Variants in PCDH15 observed in about 807,000 individuals in gnomAD.
PCDH15 encodes the protein protocadherin related 15, also known as protocadherin-15.
In PCDH15, 129 loss-of-function variants were observed where a neutral mutation model predicts 178.5. The ratio of observed to expected loss-of-function variants is 0.72; its 90% CI spans 0.63 to 0.84. The LOEUF is 0.84. Ranked by LOEUF, PCDH15 falls within the 40% of genes least tolerant of loss-of-function variation. The pLI, the probability that PCDH15 is intolerant of heterozygous loss-of-function variation, is 0.00. For missense variants in PCDH15, 2,230 were observed against 2,099.9 expected, an observed-to-expected ratio of 1.06 and a Z score of -1.21; for synonymous variants, 800 against 732.0, an observed-to-expected ratio of 1.09 and a Z score of -1.50.
intron 2 of PCDH15, among the ~76,000 whole-genome samples, chr10:55,093,975 A>T (rs1207046077): frequency 4.6e-5 from 7 of 152,126 alleles, no homozygotes; most frequent in Non-Finnish European, 1.0e-4. Context: ...ATTGTGGAAG[A>T]CAGTGTGGAG....
chr10:55,080,346 T>C (rs1172451071), intron 2 of PCDH15, among the ~76,000 whole-genome samples: 1 of 152,104 alleles, frequency 6.6e-6, no homozygotes, highest in Admixed American at 6.6e-5. Context: ...ATGTGAGGGA[T>C]GTAGGTTCCA....
intron 6 of PCDH15, among the ~76,000 whole-genome samples, chr10:54,338,618 G>A (rs1179043560): frequency 6.6e-6 from 1 of 152,058 alleles, no homozygotes. Flanking sequence ...TTACTCAGGA[G>A]GACTTGATAA....
intron 2 of PCDH15, among the ~76,000 whole-genome samples, chr10:55,050,802 G>T (rs543937454): frequency 6.6e-6 from 1 of 152,118 alleles, no homozygotes; most frequent in East Asian, 1.9e-4. Context: ...AAGTTTGCAA[G>T]GACTTTTCAT....
intron 3 of PCDH15, among the ~76,000 whole-genome samples, chr10:54,455,812 C>A (rs932292034): frequency 2.6e-5 from 4 of 152,128 alleles, no homozygotes; most frequent in Non-Finnish European, 5.9e-5. Flanking sequence ...ACAACCCATG[C>A]AGCCTCAGGA....
At chr10:55,474,297 T>G (rs1840021117) in intron 2 of PCDH15, among the ~76,000 whole-genome samples, 1 of 152,072 alleles carries the variant, frequency 6.6e-6, no homozygotes, top group African/African-American at 2.4e-5. Flanking sequence ...ATGGAAGGAG[T>G]ACTGACACAC....
At chr10:54,707,645 C>G (rs1414192214) in intron 1 of PCDH15, among the ~76,000 whole-genome samples, 3 of 152,132 alleles carry the variant, frequency 2.0e-5, no homozygotes, top group African/African-American at 7.2e-5. Context: ...CAAAATAATA[C>G]AAGGTCTTTC....
rs913357230 is a variant in PCDH15 at position 54,734,053 on chromosome 10, A to G, written c.-29+66872T>C. 2.6e-5 allele frequency among the ~76,000 whole-genome samples: 4 copies of G among 151,668 alleles called. 1 individual carries two copies. Among genetic ancestry groups the G allele is most frequent in the Admixed American group, 2.6e-4 (4 of 15,174 alleles). ...CAGCCATTTTATAGAAAGAATATCAAGAGAAAAAACATTATTAATTGGACT... is the reference window on the plus strand; with the variant it reads ...CAGCCATTTTATAGAAAGAATATCAGGAGAAAAAACATTATTAATTGGACT... On this transcript the variant is annotated intron_variant, in intron 1 of 37. Coordinates refer to ENST00000644397, the MANE Select transcript of PCDH15 (RefSeq NM_001384140.1).
intron 3 of PCDH15, among the ~76,000 whole-genome samples, chr10:54,840,453 T>C (rs993624509): frequency 2.6e-5 from 4 of 151,252 alleles, no homozygotes; most frequent in African/African-American, 4.9e-5. Flanking sequence ...GCACACAAAA[T>C]ATAAATAGAG....
At chr10:54,238,664 C>CTA (rs1255333743) in intron 8 of PCDH15, among the ~76,000 whole-genome samples, 1 of 140,768 alleles carries the variant, frequency 7.1e-6, no homozygotes, top group Non-Finnish European at 1.5e-5. Context: ...TGCTGCCTCT[C>CTA]TCTCTCTCTC....
intron 25 of PCDH15, among the ~76,000 whole-genome samples, chr10:53,906,284 T>C (rs990709286): frequency 1.3e-5 from 2 of 152,120 alleles, no homozygotes; most frequent in Admixed American, 1.3e-4. Flanking sequence ...CCTGATAACT[T>C]TAGGCAGTTG....
At chr10:55,547,156 T>A (rs1438082436) in intron 2 of PCDH15, among the ~76,000 whole-genome samples, 2 of 152,098 alleles carry the variant, frequency 1.3e-5, no homozygotes, top group Non-Finnish European at 2.9e-5. Context: ...TTGATATGGG[T>A]GCTGCAGCAG....
At chr10:54,146,145 T>C (rs2043884368) in intron 14 of PCDH15, among the ~76,000 whole-genome samples, 1 of 152,012 alleles carries the variant, frequency 6.6e-6, no homozygotes, top group Admixed American at 6.6e-5. Flanking sequence ...GCCTCATCAT[T>C]TTTTACTAAT....
chr10:53,979,053 C>G (rs2090416900), intron 21 of PCDH15, among the ~76,000 whole-genome samples: 1 of 152,194 alleles, frequency 6.6e-6, no homozygotes, highest in Non-Finnish European at 1.5e-5. Context: ...GTTCCACAGT[C>G]ACTTCCACAT....
intron 5 of PCDH15, among the ~76,000 whole-genome samples, chr10:54,365,257 A>C (rs981307608): frequency 6.6e-6 from 1 of 152,100 alleles, no homozygotes; most frequent in African/African-American, 2.4e-5. Flanking sequence ...TAAAACAGGG[A>C]TATTCCTTCC....
intron 1 of PCDH15, among the ~76,000 whole-genome samples, chr10:55,242,394 C>T (rs1044338411): frequency 6.6e-6 from 1 of 152,008 alleles, no homozygotes; most frequent in Non-Finnish European, 1.5e-5. Context: ...CACTGCTTTG[C>T]TTGTAAATTT....
intron 2 of PCDH15, among the ~76,000 whole-genome samples, chr10:54,599,266 G>T (rs1245742275): frequency 6.6e-6 from 1 of 152,028 alleles, no homozygotes; most frequent in Admixed American, 6.6e-5. Flanking sequence ...ATCCTACAGG[G>T]CTACAGTAAC....
At chr10:55,097,712 A>G (rs1000748552) in intron 2 of PCDH15, among the ~76,000 whole-genome samples, 2 of 152,062 alleles carry the variant, frequency 1.3e-5, no homozygotes, top group African/African-American at 4.8e-5. Flanking sequence ...AGAGAGACAG[A>G]TAGATAGATA....
chr10:54,505,200 C>T (rs1238541266), intron 3 of PCDH15, among the ~76,000 whole-genome samples: 1 of 151,888 alleles, frequency 6.6e-6, no homozygotes, highest in East Asian at 1.9e-4. Context: ...ATCTTTTTTC[C>T]ATCATCCAAG....
At chr10:55,324,013 T>C (rs757847660), upstream of PCDH15, among the ~76,000 whole-genome samples, 1 of 152,076 alleles carries the variant, frequency 6.6e-6, no homozygotes, top group Admixed American at 6.5e-5. Context: ...AATGAATAAG[T>C]CTCACAAGAT....
Sources: allele counts gnomAD v4.1 joint callset (sites outside exome capture counted in the v4.1 genomes callset), GRCh38; gene constraint gnomAD v4.1.1; transcripts MANE v1.5; gene names NCBI Gene and HGNC (gene_info 2026-07-23, HGNC 2026-07-21).